Variants in WDR35 observed in about 807,000 individuals in gnomAD.
The protein encoded by WDR35 is WD repeat-containing protein 35.
WDR35 carries 118 observed loss-of-function variants against 158.3 expected under a neutral mutation model. The observed-to-expected ratio is 0.75, with a 90% confidence interval of 0.64 to 0.87. The LOEUF is 0.87. Ranked by LOEUF, WDR35 falls within the 40% of genes least tolerant of loss-of-function variation. The pLI, the probability that WDR35 is intolerant of heterozygous loss-of-function variation, is 0.00. For synonymous variants in WDR35, 448 were observed against 476.1 expected (o/e 0.94, Z 0.77); for missense variants, 1,263 against 1,405.8 (o/e 0.90, Z 1.62).
At chr2:19,968,658 C>G (rs1187917787) in intron 9 of WDR35, among the ~76,000 whole-genome samples, 1 of 152,128 alleles carries the variant, frequency 6.6e-6, no homozygotes, top group East Asian at 1.9e-4. Context: ...CCAGGCTTAC[C>G]TTGTATTTTC....
Position 19,978,848 on chromosome 2 carries a change from T to C in WDR35, c.339A>G (p.Arg113=), listed in dbSNP as rs750227579. The C allele has an allele frequency of 2.5e-6, 4 of 1,613,854 alleles. No homozygotes were observed. Among genetic ancestry groups the C allele is most frequent in the Non-Finnish European group, 3.4e-6 (4 of 1,179,844 alleles). Residue 113 remains arginine, a synonymous_variant, in exon 5 of 27, where the codon CGA becomes CGG. Transcript: ENST00000281405. ...GSWIEEMINN[R]NKSVVRSMSW... ...TCATACTGCGAACAACTGATTTATT[T>C]CGATTGTTGATCATCTCCTCAATCC...
At chr2:19,915,075 A>C (rs1207433644) in intron 25 of WDR35, among the ~76,000 whole-genome samples, 1 of 152,038 alleles carries the variant, frequency 6.6e-6, no homozygotes, top group Non-Finnish European at 1.5e-5. Flanking sequence ...CCCAGAACTT[A>C]AAGTATAATA....
At chr2:19,923,975 T>C (rs1670269798) in intron 25 of WDR35, among the ~76,000 whole-genome samples, 1 of 152,218 alleles carries the variant, frequency 6.6e-6, no homozygotes, top group Non-Finnish European at 1.5e-5. Context: ...GCTCAGTTCT[T>C]ACAATTTAAA....
rs1317128944 is a variant in WDR35, at chr2:19,934,862, C to G, written c.2547+609G>C. Among the ~76,000 whole-genome samples, 1 of 152,184 alleles carries G rather than the reference C, an allele frequency of 6.6e-6. No homozygotes were observed. The highest frequency in any genetic ancestry group is 1.5e-5 in the Non-Finnish European group (1 of 68,024). ...AATAGGCAAAATTTTTGAAGCAGAA[C>G]TCACAACTGATATACATCCAGACTC... is the stretch of plus-strand genomic sequence containing the variant. On this transcript the variant is annotated intron_variant, in intron 21 of 26. Coordinates refer to ENST00000281405, the MANE Select transcript of WDR35 (RefSeq NM_020779.4). The surrounding 1 kb of genome is among the most constrained non-coding windows in gnomAD (Gnocchi z 4.6).
rs1558337565 is a variant in WDR35, at chr2:19,945,972, T to C, written c.1659A>G (p.Ser553=). ...CCAAGTCAAAGAAAGTCAGAACTCC[T>C]GAGATGTCTATGATAGCAAGACGGC... The part of the protein sequence containing the change: ...NSSRLAIIDI[S]GVLTFFDLDA... Residue 553 remains serine, a synonymous_variant, in exon 16 of 27, where the codon TCA becomes TCG. Transcript: ENST00000281405. 6.2e-7 allele frequency: 1 copy of C among 1,613,840 alleles called. No individual in the cohort carries two copies. Among genetic ancestry groups the C allele is most frequent in the Non-Finnish European group, 8.5e-7 (1 of 1,179,822 alleles).
At chr2:19,951,775 C>A in intron 12 of WDR35, 1 of 257,020 alleles carries the variant, frequency 3.9e-6, no homozygotes. Context: ...GACATTTTAC[C>A]TTACCCTCCA....
intron 3 of WDR35, among the ~76,000 whole-genome samples, chr2:19,982,096 T>C (rs528256848): frequency 6.6e-6 from 1 of 152,306 alleles, no homozygotes; most frequent in South Asian, 2.1e-4. Context: ...AAACCGTACT[T>C]CGAGTGCCCA....
At chr2:19,919,488 G>A (rs1670102821) in intron 25 of WDR35, among the ~76,000 whole-genome samples, 1 of 151,882 alleles carries the variant, frequency 6.6e-6, no homozygotes, top group African/African-American at 2.4e-5. Context: ...ATGACTACTG[G>A]GCAAATAACG....
chr2:19,916,193 C>T (rs574032918), intron 25 of WDR35, among the ~76,000 whole-genome samples: 4 of 152,262 alleles, frequency 2.6e-5, no homozygotes, highest in African/African-American at 9.6e-5. Flanking sequence ...GGGACTGTAC[C>T]GTGCACTCCG....
At position 19,948,233 on chromosome 2, in the gene WDR35, C is replaced by A. The variant is rs1671119719; in HGVS notation, c.1471-16G>T. 1.2e-6 allele frequency: 2 copies of A among 1,605,258 alleles called. No individual in the cohort carries two copies. The highest frequency in any genetic ancestry group is 1.7e-6 in the Non-Finnish European group (2 of 1,174,824). On this transcript the variant is annotated splice_polypyrimidine_tract_variant and intron_variant, in intron 13 of 26. Transcript: ENST00000281405. ...CCCTTGTGCCCTAAAATAAATTAAT[C>A]AATCATTACTATTCAACAAACATTT...
intron 11 of WDR35, among the ~76,000 whole-genome samples, chr2:19,954,819 A>G (rs1222184381): frequency 2.0e-5 from 3 of 152,244 alleles, no homozygotes; most frequent in Non-Finnish European, 4.4e-5. Flanking sequence ...AAGAAAAATA[A>G]AAACATGTCC....
chr2:19,986,118 ATGT>A (rs1437823710), intron 2 of WDR35, among the ~76,000 whole-genome samples: 1 of 152,200 alleles, frequency 6.6e-6, no homozygotes, highest in African/African-American at 2.4e-5. Context: ...GCTGATGCAG[ATGT>A]TGTTAACGGA....
intron 25 of WDR35, among the ~76,000 whole-genome samples, chr2:19,929,977 G>T (rs1289478640): frequency 6.6e-6 from 1 of 151,276 alleles, no homozygotes; most frequent in African/African-American, 2.4e-5. Context: ...GTACATAAAA[G>T]TATGCCATGT....
chr2:19,966,657 A>G, intron 10 of WDR35, 67 bp downstream of exon 10: 9 of 1,565,836 alleles, frequency 5.7e-6, no homozygotes, highest in Non-Finnish European at 7.9e-6. Flanking sequence ...GCCATGCTTG[A>G]AAAGGTAGAA....
intron 11 of WDR35, among the ~76,000 whole-genome samples, chr2:19,955,436 T>C (rs1193891087): frequency 6.6e-6 from 1 of 152,232 alleles, no homozygotes; most frequent in Non-Finnish European, 1.5e-5. Context: ...CTACTGTATA[T>C]GCTTTTATGA....
chr2:19,979,199 A>G (rs574415572), intron 4 of WDR35, among the ~76,000 whole-genome samples: 1 of 152,194 alleles, frequency 6.6e-6, no homozygotes, highest in Non-Finnish European at 1.5e-5. Context: ...TTCAGAGCTA[A>G]AACTACTGAT....
chr2:19,913,628 T>C lies in WDR35; in HGVS notation c.3443A>G (p.Lys1148Arg). 6.2e-7 allele frequency: 1 copy of C among 1,614,150 alleles called. No individual in the cohort carries two copies. Among genetic ancestry groups the C allele is most frequent in the South Asian group, 1.1e-5 (1 of 91,090 alleles). Reference protein sequence around the residue: ...EYQFWMCSVCKHGVLAQEISH... With the variant: ...EYQFWMCSVCRHGVLAQEISH... ...TATTTCCTGAGCAAGGACACCGTGT[T>C]TGCATACACTGCACATCCAGAATTG... The change falls in exon 27 of 27, where the codon AAA becomes AGA. Residue 1148 changes from lysine (K) to arginine (R), a missense_variant. Physicochemically the swap from Lys to Arg is conservative, Grantham distance 26. Coordinates refer to ENST00000281405, the MANE Select transcript of WDR35 (RefSeq NM_020779.4).
At chr2:19,966,678 C>A in intron 10 of WDR35, 46 bp downstream of exon 10, 3 of 1,603,732 alleles carry the variant, frequency 1.9e-6, no homozygotes, top group Non-Finnish European at 2.6e-6. Context: ...AACTATAACC[C>A]AAGCAGTTAG....
rs142103808 is a variant in WDR35, at chr2:19,962,319, G to A, written c.1195-1705C>T. 151 of 1,612,814 alleles carry A rather than the reference G, an allele frequency of 9.4e-5. No homozygotes were observed. Among genetic ancestry groups the A allele is most frequent in the East Asian group, 3.8e-4 (17 of 44,760 alleles). On this transcript the variant is annotated intron_variant, in intron 10 of 26. Coordinates refer to ENST00000281405, the MANE Select transcript of WDR35 (RefSeq NM_020779.4). ...CCGTTGCACCAAATGTCTCCATCTC[G>A]TTCTCCTCCTTTGAAGCAATATATA...
Sources: gnomAD v4.1 joint callset for allele counts (sites outside exome capture counted in the v4.1 genomes callset) on GRCh38, gnomAD v4.1.1 for gene constraint, Gnocchi (gnomAD v3.1) non-coding constraint, MANE v1.5 for transcripts, NCBI Gene and HGNC (gene_info 2026-07-23, HGNC 2026-07-21) for gene names.